PURG: variants seen among roughly 807,000 people sequenced by gnomAD.
PURG encodes purine rich element binding protein G.
PURG carries 3 observed loss-of-function variants against 24.3 expected under a neutral mutation model. The observed-to-expected ratio is 0.12, with a 90% confidence interval of 0.06 to 0.32. The LOEUF (loss-of-function observed/expected upper bound fraction) is 0.32, where lower values mean the gene tolerates loss of function less well. Ranked by LOEUF, PURG falls within the 10% of genes least tolerant of loss-of-function variation. The pLI, the probability that PURG is intolerant of heterozygous loss-of-function variation, is 1.00. For synonymous variants in PURG, 180 were observed against 173.1 expected (o/e 1.04, Z -0.31); for missense variants, 371 against 439.1 (o/e 0.84, Z 1.39).
rs746789993 is a variant in PURG, at chr8:31,032,325, G to A, written c.458C>T (p.Ser153Leu). The A allele has an allele frequency of 1.2e-6, 2 of 1,612,840 alleles. No homozygotes were observed. The highest frequency in any genetic ancestry group is 1.3e-5 in the African/African-American group (1 of 75,010). The part of the protein sequence containing the change: ...EQGSRRRQKH[S>L]APSPPVSVGS... ...CACCGAGACTGGTGGGGAGGGTGCC[G>A]AGTGCTTCTGCCTCCTTCTGGAGCC... The change falls in exon 2 of 2, where the codon TCG (serine) becomes TTG (leucine). Residue 153 changes from serine (S) to leucine (L), a missense_variant. Ser to Leu is a moderately radical substitution (Grantham distance 145). This residue lies in a region of PURG where 213 missense variants were observed against 230.6 expected (regional missense o/e 0.92). Coordinates refer to ENST00000523392, the MANE Select transcript of PURG (RefSeq NM_001323311.2). This position sits in a 1 kb window ranked among gnomAD's most constrained non-coding sequence, Gnocchi z 5.9.
chr8:31,029,924 C>G (rs1361626858), downstream of PURG, among the ~76,000 whole-genome samples: 1 of 151,892 alleles, frequency 6.6e-6, no homozygotes, highest in Non-Finnish European at 1.5e-5. Flanking sequence ...ATCTCCTAAC[C>G]TTCAGTTGTT....
chr8:31,018,945 G>A (rs1459033784), intron 1 of PURG, among the ~76,000 whole-genome samples: 1 of 150,480 alleles, frequency 6.6e-6, no homozygotes, highest in East Asian at 2.0e-4. Context: ...GGCTAACATG[G>A]TGAAAACCCG....
intron 1 of PURG, among the ~76,000 whole-genome samples, chr8:31,022,920 A>T (rs780144258): frequency 3.3e-5 from 5 of 152,106 alleles, no homozygotes; most frequent in Non-Finnish European, 7.3e-5. Context: ...CTCCTACATC[A>T]TTTTCTATGG....
intron 1 of PURG, among the ~76,000 whole-genome samples, chr8:31,010,741 T>G (rs1810746974): frequency 1.3e-5 from 2 of 152,166 alleles, no homozygotes; most frequent in African/African-American, 4.8e-5. Flanking sequence ...GGGACAGTGA[T>G]ATTGAACTAA....
intron 1 of PURG, among the ~76,000 whole-genome samples, chr8:31,005,349 C>T (rs768830182): frequency 6.6e-6 from 1 of 151,446 alleles, no homozygotes; most frequent in Non-Finnish European, 1.5e-5. Context: ...ATGAGAATTG[C>T]TTAAAGCTGG....
chr8:31,032,759 T>G lies in PURG; in HGVS notation c.24A>C (p.Gly8=). 1 of 1,416,152 alleles carries G rather than the reference T, an allele frequency of 7.1e-7. No individual in the cohort carries two copies. 87.7% of individuals were successfully genotyped at this position (1,416,152 alleles called of 1,614,324 possible). A position where few individuals can be genotyped will look rare whatever the true frequency, so the allele number is the denominator to read the frequency against. The change falls in exon 2 of 2, where the codon GGA becomes GGC. Residue 8 remains glycine, a synonymous_variant. Coordinates refer to ENST00000523392, the MANE Select transcript of PURG (RefSeq NM_001323311.2). This position sits in a 1 kb window ranked among gnomAD's most constrained non-coding sequence, Gnocchi z 5.9. ...CTCCGCGGCCGCGGCCGCCGCCGCC[T>G]CCCCTTCGCCTGGCTCTTTCCATCT... MERARRR[G]GGGGRGRGGK... is the part of the protein sequence containing the mutation.
Position 31,032,553 on chromosome 8 carries a change from T to C in PURG, c.230A>G (p.Lys77Arg), listed in dbSNP as rs1183736898. 6.2e-7 allele frequency: 1 copy of C among 1,614,146 alleles called. No homozygotes were observed. The highest frequency in any genetic ancestry group is 8.5e-7 in the Non-Finnish European group (1 of 1,179,998). ...IQKKRFYLDVKQSSRGRFLKI... is the reference protein window; with the variant it reads ...IQKKRFYLDVRQSSRGRFLKI... ...TAGGAAGCGGCCCCGGGAGCTTTGC[T>C]TCACGTCTAGGTAAAACCTCTTTTT... The change falls in exon 2 of 2, where the codon AAG becomes AGG. Residue 77 changes from lysine to arginine, a missense_variant. By Grantham distance (26) the Lys-to-Arg change is conservative. Around this residue, in one of 5 missense-constraint regions of PURG, gnomAD observed 213 missense variants for 230.6 expected, o/e 0.92. Transcript: ENST00000523392. This position sits in a 1 kb window ranked among gnomAD's most constrained non-coding sequence, Gnocchi z 5.9.
chr8:31,030,439 T>A (rs1374376418), downstream of PURG, among the ~76,000 whole-genome samples: 1 of 152,018 alleles, frequency 6.6e-6, no homozygotes, highest in Non-Finnish European at 1.5e-5. Context: ...TAACACTATA[T>A]CCACTTGTTT....
At chr8:31,005,394 C>T (rs926220048) in intron 1 of PURG, among the ~76,000 whole-genome samples, 2 of 150,648 alleles carry the variant, frequency 1.3e-5, no homozygotes, top group African/African-American at 4.9e-5. Context: ...GATTGTGACA[C>T]TGCACTCCAG....
chr8:31,015,284 TG>T (rs1810839045), intron 1 of PURG, among the ~76,000 whole-genome samples: 1 of 152,272 alleles, frequency 6.6e-6, no homozygotes, highest in Non-Finnish European at 1.5e-5. Context: ...ACAACATTAC[TG>T]AACACTTAGA....
At chr8:31,027,671 A>C (rs1811115491), downstream of PURG, among the ~76,000 whole-genome samples, 1 of 151,708 alleles carries the variant, frequency 6.6e-6, no homozygotes, top group Non-Finnish European at 1.5e-5. Context: ...ATGACTATAT[A>C]ATTTATTCTT....
exon 2 of PURG, chr8:30,996,569 G>T: frequency 6.5e-7 from 1 of 1,530,382 alleles, no homozygotes; most frequent in Non-Finnish European, 9.0e-7. Flanking sequence ...TTTATTCTGA[G>T]GTGTAACATA....
chr8:31,002,293 T>C (rs1242373191), intron 1 of PURG, among the ~76,000 whole-genome samples: 3 of 152,214 alleles, frequency 2.0e-5, no homozygotes, highest in Non-Finnish European at 2.9e-5. Flanking sequence ...TAAAATTCTA[T>C]GTTATGCTAA....
At chr8:31,024,040 TAATC>T (rs986228779) in intron 1 of PURG, among the ~76,000 whole-genome samples, 1 of 152,144 alleles carries the variant, frequency 6.6e-6, no homozygotes, top group Non-Finnish European at 1.5e-5. Flanking sequence ...AGATGGGAAA[TAATC>T]AATATTTAAA....
At chr8:31,009,550 T>C (rs1348493907) in intron 1 of PURG, among the ~76,000 whole-genome samples, 1 of 152,232 alleles carries the variant, frequency 6.6e-6, no homozygotes, top group African/African-American at 2.4e-5. Context: ...ACTGGGAATG[T>C]CAGGGAGCGA....
At chr8:31,028,159 A>G (rs976590416), downstream of PURG, among the ~76,000 whole-genome samples, 1 of 151,838 alleles carries the variant, frequency 6.6e-6, no homozygotes, top group Non-Finnish European at 1.5e-5. Flanking sequence ...CTCAACTGTA[A>G]TAAGAATTTG....
At chr8:31,018,143 T>G (rs1010141007) in intron 1 of PURG, among the ~76,000 whole-genome samples, 2 of 152,194 alleles carry the variant, frequency 1.3e-5, no homozygotes, top group East Asian at 1.9e-4. Context: ...TCATGAAAAT[T>G]TAAAACCTAG....
rs1315644012 is a variant in PURG at position 31,032,558 on chromosome 8, G to A, written c.225C>T (p.Asp75=). 4 of 1,614,024 alleles carry A rather than the reference G, an allele frequency of 2.5e-6. No homozygotes were observed. The highest frequency in any genetic ancestry group is 2.7e-5 in the African/African-American group (2 of 74,936). ...VDIQKKRFYL[D]VKQSSRGRFL... is the part of the protein sequence containing the mutation. ...AGCGGCCCCGGGAGCTTTGCTTCAC[G>A]TCTAGGTAAAACCTCTTTTTCTGGA... The change falls in exon 2 of 2, where the codon GAC becomes GAT. Residue 75 remains aspartate (D), a synonymous_variant. Coordinates refer to ENST00000523392, the MANE Select transcript of PURG (RefSeq NM_001323311.2). This position sits in a 1 kb window ranked among gnomAD's most constrained non-coding sequence, Gnocchi z 5.9.
At chr8:30,996,472 T>C (rs1240770961) in exon 2 of PURG, 15 of 644,192 alleles carry the variant, frequency 2.3e-5, no homozygotes, top group Non-Finnish European at 4.0e-5. Flanking sequence ...GTGGTGTTGA[T>C]ACTTGTCTTC....
Sources: gnomAD v4.1 joint callset for allele counts (sites outside exome capture counted in the v4.1 genomes callset) on GRCh38, gnomAD v4.1.1 for gene constraint, gnomAD v4.1.1 regional missense constraint, Gnocchi (gnomAD v3.1) non-coding constraint, MANE v1.5 for transcripts, NCBI Gene and HGNC (gene_info 2026-07-23, HGNC 2026-07-21) for gene names.